The following ZPBP variants were observed in gnomAD, a reference collection of about 807,000 sequenced individuals.
ZPBP encodes the protein zona pellucida binding protein.
ZPBP carries 26 observed loss-of-function variants against 44.8 expected under a neutral mutation model. The ratio of observed to expected loss-of-function variants is 0.58; its 90% CI spans 0.43 to 0.81. The LOEUF (loss-of-function observed/expected upper bound fraction) is 0.81, where lower values mean the gene tolerates loss of function less well. ZPBP is among the 30% of genes least tolerant of loss of function. The pLI is 0.00. For synonymous variants in ZPBP, 174 were observed against 153.2 expected, an observed-to-expected ratio of 1.14 and a Z score of -1.00; for missense variants, 409 against 434.0, an observed-to-expected ratio of 0.94 and a Z score of 0.51.
In ZPBP at chr7:49,905,106, C is replaced by T. The variant is rs115957277; in HGVS notation, n.412-3891G>A. 2.0e-3 allele frequency among the ~76,000 whole-genome samples: 298 copies of T among 152,240 alleles called. 1 individual carries two copies. The highest frequency in any genetic ancestry group is 6.8e-3 in the African/African-American group (282 of 41,538). On this transcript the variant is annotated intron_variant and non_coding_transcript_variant, in intron 1 of 2. Coordinates refer to the ZPBP transcript ENST00000465922. ...TAAAAATCACTTAAGATGAAGAAAGCTTACTTTAGGAATTTTTAAGGGTCC... is the reference window on the plus strand; with the variant it reads ...TAAAAATCACTTAAGATGAAGAAAGTTTACTTTAGGAATTTTTAAGGGTCC...
chr7:50,024,672 G>A (rs915720913), intron 5 of ZPBP, among the ~76,000 whole-genome samples: 39 of 151,870 alleles, frequency 2.6e-4, no homozygotes, highest in Non-Finnish European at 2.9e-4. Flanking sequence ...CAGGGCAGGG[G>A]TGGGAGTAAT....
chr7:49,858,646 T>C (rs1236932754), intron 2 of ZPBP, among the ~76,000 whole-genome samples: 1 of 151,812 alleles, frequency 6.6e-6, no homozygotes, highest in Non-Finnish European at 1.5e-5. Context: ...ACGGCACATG[T>C]ATATATATGT....
intron 7 of ZPBP, among the ~76,000 whole-genome samples, chr7:49,978,185 C>T (rs2128775009): frequency 6.6e-6 from 1 of 150,950 alleles, no homozygotes; most frequent in Non-Finnish European, 1.5e-5. Flanking sequence ...ATTTCAGAAT[C>T]TGTGTTTTCA....
chr7:49,874,114 G>A (rs923994514), intron 2 of ZPBP, among the ~76,000 whole-genome samples: 2 of 152,176 alleles, frequency 1.3e-5, no homozygotes, highest in African/African-American at 4.8e-5. Context: ...GGTGGGCAAA[G>A]GATGCCCTTG....
intron 3 of ZPBP, among the ~76,000 whole-genome samples, chr7:50,076,540 A>G (rs1274218195): frequency 6.6e-6 from 1 of 151,734 alleles, no homozygotes; most frequent in Non-Finnish European, 1.5e-5. Flanking sequence ...AAAAACTATT[A>G]TAACCAATAA....
intron 4 of ZPBP, 92 bp downstream of exon 4, chr7:50,057,897 A>G: frequency 8.2e-7 from 1 of 1,224,308 alleles, no homozygotes; most frequent in Non-Finnish European, 1.1e-6. Flanking sequence ...GACTAAAAAT[A>G]ACAAAGTCCC....
chr7:49,866,500 G>T (rs570950698), intron 2 of ZPBP, among the ~76,000 whole-genome samples: 1 of 152,312 alleles, frequency 6.6e-6, no homozygotes, highest in East Asian at 1.9e-4. Context: ...CATTACATTT[G>T]CTAAGGGTTC....
downstream of ZPBP, among the ~76,000 whole-genome samples, chr7:49,847,836 G>A (rs1277524680): frequency 6.6e-6 from 1 of 152,130 alleles, no homozygotes; most frequent in Non-Finnish European, 1.5e-5. Flanking sequence ...CAGTGTGAAA[G>A]CCCGCAGAGG....
intron 4 of ZPBP, among the ~76,000 whole-genome samples, chr7:50,038,651 G>A (rs1401554641): frequency 6.6e-6 from 1 of 152,176 alleles, no homozygotes; most frequent in Non-Finnish European, 1.5e-5. Context: ...CTTCACCCCA[G>A]AGTTGCTACA....
intron 2 of ZPBP, among the ~76,000 whole-genome samples, chr7:49,895,606 T>G (rs1166306534): frequency 6.6e-6 from 1 of 152,208 alleles, no homozygotes; most frequent in African/African-American, 2.4e-5. Context: ...AACCAGAGCA[T>G]CCTTTAACTG....
intron 7 of ZPBP, among the ~76,000 whole-genome samples, chr7:49,958,033 T>G (rs1230094873): frequency 2.0e-5 from 3 of 152,200 alleles, no homozygotes; most frequent in African/African-American, 7.2e-5. Flanking sequence ...GTTTACCTTG[T>G]TGGGTTTTGG....
intron 6 of ZPBP, among the ~76,000 whole-genome samples, chr7:50,013,072 T>C (rs1427673710): frequency 6.6e-6 from 1 of 151,886 alleles, no homozygotes; most frequent in Non-Finnish European, 1.5e-5. Flanking sequence ...TTAACCCAAA[T>C]GAATATAAGA....
intron 1 of ZPBP, among the ~76,000 whole-genome samples, chr7:49,910,524 G>A (rs1363570082): frequency 6.6e-6 from 1 of 152,106 alleles, no homozygotes; most frequent in Non-Finnish European, 1.5e-5. Flanking sequence ...GAATTTTGGA[G>A]GGAGGTATAG....
chr7:49,984,917 C>T (rs937417053), intron 6 of ZPBP, among the ~76,000 whole-genome samples: 5 of 152,160 alleles, frequency 3.3e-5, no homozygotes, highest in Non-Finnish European at 7.4e-5. Context: ...AAAAAAAATG[C>T]TTCCTAGCTA....
chr7:49,912,023 C>T (rs1793482701), intron 1 of ZPBP: 2 of 1,608,396 alleles, frequency 1.2e-6, no homozygotes, highest in African/African-American at 2.7e-5. Context: ...AAACATTTTT[C>T]TGCATTTCAG....
chr7:49,874,548 A>ATG (rs3062201), intron 2 of ZPBP, among the ~76,000 whole-genome samples: 6,603 of 147,732 alleles, frequency 0.045, 394 homozygotes, highest in South Asian at 0.13. Context: ...ATGACTATAT[A>ATG]TGTGTGTGTG....
intron 6 of ZPBP, among the ~76,000 whole-genome samples, chr7:49,989,318 C>G (rs945853453): frequency 6.6e-6 from 1 of 152,114 alleles, no homozygotes; most frequent in Admixed American, 6.6e-5. Flanking sequence ...GCCCGGGAAC[C>G]CCATGCTCTA....
intron 2 of ZPBP, among the ~76,000 whole-genome samples, chr7:49,879,765 G>C (rs1317318762): frequency 6.6e-6 from 1 of 151,958 alleles, no homozygotes; most frequent in Non-Finnish European, 1.5e-5. Flanking sequence ...TAGGCCCTTT[G>C]CTATCTTGGC....
At chr7:50,042,486 A>G (rs1319163697) in intron 4 of ZPBP, among the ~76,000 whole-genome samples, 1 of 152,206 alleles carries the variant, frequency 6.6e-6, no homozygotes, top group Non-Finnish European at 1.5e-5. Context: ...GAAACCCTAC[A>G]AGCCAGAAGA....
Sources: allele counts gnomAD v4.1 joint callset (sites outside exome capture counted in the v4.1 genomes callset), GRCh38; gene constraint gnomAD v4.1.1; transcripts MANE v1.5; gene names NCBI Gene and HGNC (gene_info 2026-07-23, HGNC 2026-07-21).